Variants in SYT1 observed in about 807,000 individuals in gnomAD.
SYT1 encodes synaptotagmin-1.
SYT1 carries 8 observed loss-of-function variants against 44.8 expected under a neutral mutation model. That is an observed-to-expected ratio of 0.18 (90% CI 0.10 to 0.32). The LOEUF is 0.32. SYT1 is among the 10% of genes least tolerant of loss of function. SYT1 has a pLI of 1.00. For missense variants in SYT1, 286 were observed against 509.3 expected (o/e 0.56, Z 4.22); for synonymous variants, 154 against 188.8 (o/e 0.82, Z 1.51).
chr12:79,148,941 C>T (rs754831549), intron 3 of SYT1, among the ~76,000 whole-genome samples: 12 of 151,976 alleles, frequency 7.9e-5, no homozygotes, highest in African/African-American at 1.7e-4. Flanking sequence ...GTCTCAATAT[C>T]GTTTAAATTA....
chr12:79,205,939 C>T (rs901735866), intron 3 of SYT1, among the ~76,000 whole-genome samples: 1 of 151,988 alleles, frequency 6.6e-6, no homozygotes, highest in African/African-American at 2.4e-5. Flanking sequence ...CATATTTTCT[C>T]CTCATTCTTT....
At chr12:79,319,780 T>C (rs74546187) in intron 8 of SYT1, among the ~76,000 whole-genome samples, 288 of 152,326 alleles carry the variant, frequency 1.9e-3, no homozygotes, top group African/African-American at 6.5e-3. Context: ...TTCAAGTCCC[T>C]CTATTCCCCA....
chr12:79,406,492 A>G (rs1331469442), intron 9 of SYT1, among the ~76,000 whole-genome samples: 2 of 152,192 alleles, frequency 1.3e-5, no homozygotes, highest in Non-Finnish European at 2.9e-5. Context: ...AAGAGAACCA[A>G]GAAATAAAGC....
At chr12:78,924,560 T>C (rs190249999) in intron 1 of SYT1, among the ~76,000 whole-genome samples, 155 of 150,194 alleles carry the variant, frequency 1.0e-3, no homozygotes, top group African/African-American at 2.7e-3. Context: ...CTGGTAGACA[T>C]ATATTATTCA....
intron 3 of SYT1, among the ~76,000 whole-genome samples, chr12:79,073,869 T>A (rs1876457783): frequency 6.6e-6 from 1 of 152,118 alleles, no homozygotes; most frequent in Non-Finnish European, 1.5e-5. Context: ...ATATATAGCT[T>A]ACTTATAAAC....
chr12:79,021,263 T>C (rs1199741872), intron 2 of SYT1, among the ~76,000 whole-genome samples: 1 of 151,910 alleles, frequency 6.6e-6, no homozygotes, highest in African/African-American at 2.4e-5. Context: ...AAATTGGTTT[T>C]GGACTGTTGA....
Position 79,340,032 on chromosome 12 carries a change from G to C in SYT1, c.811-13470G>C, listed in dbSNP as rs1209098969. On this transcript the variant is annotated intron_variant, in intron 8 of 10. Transcript: ENST00000261205. ...TCTGTTCTGTTCCATTGGTCTATAT[G>C]TCTGTTTTGGTACCAGTACCATGCT... Among the ~76,000 whole-genome samples the C allele has an allele frequency of 2.0e-5, 3 of 152,038 alleles. No homozygotes were observed. In the East Asian group the frequency reaches 5.8e-4, roughly 29 times the overall value.
rs187951057 is a variant in SYT1 at position 79,153,851 on chromosome 12, A to C, written c.-17-63652A>C. Among the ~76,000 whole-genome samples the C allele has an allele frequency of 2.1e-3, 314 of 152,272 alleles. 3 individuals are homozygous for C. The highest frequency in any genetic ancestry group is 4.3e-3 in the South Asian group (21 of 4,830). On this transcript the variant is annotated intron_variant, in intron 3 of 10. Coordinates refer to ENST00000261205, the MANE Select transcript of SYT1 (RefSeq NM_005639.3). ...ACATTTGAGGTTCAGAAATAAAATC[A>C]AGTTGAATGTTTATCAGTTGGATAT... is the stretch of plus-strand genomic sequence containing the variant.
At chr12:78,898,850 C>T (rs150563987) in intron 1 of SYT1, among the ~76,000 whole-genome samples, 369 of 152,158 alleles carry the variant, frequency 2.4e-3, no homozygotes, top group African/African-American at 8.3e-3. Flanking sequence ...TTTTAACATG[C>T]GTGCATTTGA....
intron 4 of SYT1, among the ~76,000 whole-genome samples, chr12:79,220,957 G>A (rs1875123734): frequency 6.6e-6 from 1 of 152,108 alleles, no homozygotes; most frequent in African/African-American, 2.4e-5. Flanking sequence ...GATGCAGATT[G>A]TAGTTTAGGT....
At chr12:78,929,350 G>T (rs1438279004) in intron 1 of SYT1, among the ~76,000 whole-genome samples, 1 of 132,186 alleles carries the variant, frequency 7.6e-6, no homozygotes, top group Non-Finnish European at 1.6e-5. Flanking sequence ...TTCAATGAGT[G>T]GAGATTGCGC....
intron 8 of SYT1, among the ~76,000 whole-genome samples, chr12:79,326,348 A>G (rs1881606845): frequency 1.3e-5 from 2 of 152,240 alleles, no homozygotes; most frequent in Admixed American, 1.3e-4. Context: ...ACTGGCCTGC[A>G]TAAATGTGAA....
In SYT1 at chr12:79,177,006, A is replaced by T. The variant is rs138061108; in HGVS notation, c.-17-40497A>T. 2.7e-3 allele frequency among the ~76,000 whole-genome samples: 408 copies of T among 151,490 alleles called. 2 individuals are homozygous for T. Among genetic ancestry groups the T allele is most frequent in the African/African-American group, 9.5e-3 (392 of 41,330 alleles). ...AATTCCCCCAATTCTCCAAAATTTC[A>T]CTGATAACTCCATTGTAAAAGCATA... is the stretch of plus-strand genomic sequence containing the variant. On this transcript the variant is annotated intron_variant, in intron 3 of 10. Transcript: ENST00000261205.
At chr12:78,876,921 A>T (rs866259576) in intron 1 of SYT1, among the ~76,000 whole-genome samples, 455 of 27,838 alleles carry the variant, frequency 0.016, 9 homozygotes, top group African/African-American at 0.034. Flanking sequence ...TATTATATAT[A>T]ATATATATTA....
At chr12:78,870,818 G>A (rs1490092586) in intron 1 of SYT1, among the ~76,000 whole-genome samples, 1 of 152,026 alleles carries the variant, frequency 6.6e-6, no homozygotes, top group Non-Finnish European at 1.5e-5. Context: ...TACTTGGATT[G>A]ACTGATTGCT....
intron 2 of SYT1, among the ~76,000 whole-genome samples, chr12:78,993,713 G>T (rs1346038013): frequency 6.6e-6 from 1 of 151,834 alleles, no homozygotes; most frequent in Non-Finnish European, 1.5e-5. Flanking sequence ...TGGTTTTTTG[G>T]CCTATAAAAA....
intron 3 of SYT1, among the ~76,000 whole-genome samples, chr12:79,060,480 TC>T (rs1424961570): frequency 2.0e-5 from 3 of 151,816 alleles, no homozygotes; most frequent in Admixed American, 6.6e-5. Context: ...AACTCCCCAT[TC>T]CCCCTCCCTG....
chr12:79,438,980 A>C (rs1387259651), intron 9 of SYT1, among the ~76,000 whole-genome samples: 1 of 152,192 alleles, frequency 6.6e-6, no homozygotes. Flanking sequence ...GTCACGAGAA[A>C]AAGTAAGGGA....
chr12:79,253,483 G>GTCTCTCTCTCTCTCTCTCTCTC, intron 4 of SYT1, among the ~76,000 whole-genome samples: 1 of 129,490 alleles, frequency 7.7e-6, no homozygotes. Context: ...CCATTGCCCA[G>GTCTCTCTCTCTCTCTCTCTCTC]TCTCTCTCTC....
Sources: allele counts gnomAD v4.1 joint callset (sites outside exome capture counted in the v4.1 genomes callset), GRCh38; gene constraint gnomAD v4.1.1; transcripts MANE v1.5; gene names NCBI Gene and HGNC (gene_info 2026-07-23, HGNC 2026-07-21).